DPY30: variants seen among roughly 807,000 people sequenced by gnomAD.
The protein encoded by DPY30 is dpy-30 histone methyltransferase complex regulatory subunit.
Under a neutral mutation model 16.2 loss-of-function variants are expected in DPY30, and 6 were observed. The ratio of observed to expected loss-of-function variants is 0.37; its 90% CI spans 0.20 to 0.73. The LOEUF is 0.73. DPY30 is among the 30% of genes least tolerant of loss of function. The pLI is 0.51. For synonymous variants in DPY30, 39 were observed against 38.8 expected (o/e 1.00, Z -0.02); for missense variants, 73 against 113.1 (o/e 0.65, Z 1.61).
chr2:32,017,350 C>T (rs1327849734), intron 5 of DPY30, among the ~76,000 whole-genome samples: 1 of 151,968 alleles, frequency 6.6e-6, no homozygotes, highest in Non-Finnish European at 1.5e-5. Context: ...GGGGTGGTGG[C>T]TTATGCCTAT....
At chr2:32,026,598 C>CTAAT (rs1388016816) in intron 4 of DPY30, among the ~76,000 whole-genome samples, 2 of 152,098 alleles carry the variant, frequency 1.3e-5, no homozygotes, top group Non-Finnish European at 2.9e-5. Context: ...CCAGACCAGC[C>CTAAT]TAATCAACAT....
rs553721869 is a variant in DPY30 at position 32,015,239 on chromosome 2, A to T, written n.378-3187T>A. Among the ~76,000 whole-genome samples the T allele has an allele frequency of 4.9e-4, 75 of 152,210 alleles. 1 individual carries two copies. Among genetic ancestry groups the T allele is most frequent in the Non-Finnish European group, 9.7e-4 (66 of 68,040 alleles). On this transcript the variant is annotated intron_variant and non_coding_transcript_variant, in intron 5 of 5. Transcript: ENST00000414013. ...CCTATAGATCAGAAAAATATTTTACAATAGTAACACAGCATTTTGAACAAA... is the reference window on the plus strand; with the variant it reads ...CCTATAGATCAGAAAAATATTTTACTATAGTAACACAGCATTTTGAACAAA...
At chr2:32,030,999 A>C (rs1675518339) in intron 3 of DPY30, among the ~76,000 whole-genome samples, 1 of 152,228 alleles carries the variant, frequency 6.6e-6, no homozygotes, top group Admixed American at 6.5e-5. Context: ...AGTTTAAAAA[A>C]TAACAAGTTA....
intron 3 of DPY30, among the ~76,000 whole-genome samples, chr2:32,038,311 A>G (rs143535787): frequency 4.0e-4 from 59 of 147,540 alleles, no homozygotes; most frequent in African/African-American, 1.4e-3. Context: ...CATGTTGGCC[A>G]GGCTGGTCTG....
chr2:32,022,161 G>A (rs1218839402), downstream of DPY30, among the ~76,000 whole-genome samples: 1 of 148,036 alleles, frequency 6.8e-6, no homozygotes, highest in Non-Finnish European at 1.5e-5. Context: ...AGTGAGCCAA[G>A]ATCACGCCAT....
intron 4 of DPY30, among the ~76,000 whole-genome samples, chr2:32,024,525 G>A (rs188227180): frequency 4.6e-5 from 7 of 152,338 alleles, no homozygotes; most frequent in African/African-American, 1.7e-4. Flanking sequence ...ACAATGGGAT[G>A]ATCATTACCC....
At chr2:32,014,956 G>A (rs921567124) in intron 5 of DPY30, among the ~76,000 whole-genome samples, 4 of 152,006 alleles carry the variant, frequency 2.6e-5, no homozygotes, top group Non-Finnish European at 4.4e-5. Flanking sequence ...AATACTTCTA[G>A]AAGGTAATCA....
chr2:32,020,473 T>C (rs879767100), downstream of DPY30, among the ~76,000 whole-genome samples: 3 of 152,042 alleles, frequency 2.0e-5, no homozygotes, highest in African/African-American at 4.8e-5. Context: ...GACCATGCCA[T>C]TGCACTCCAA....
chr2:32,038,956 CTTAATT>C (rs773373639), intron 3 of DPY30, among the ~76,000 whole-genome samples: 1 of 152,132 alleles, frequency 6.6e-6, no homozygotes, highest in African/African-American at 2.4e-5. Flanking sequence ...CGAAGGGTTT[CTTAATT>C]TTAATATGCG....
intron 4 of DPY30, among the ~76,000 whole-genome samples, chr2:32,028,627 C>G (rs1675421098): frequency 2.0e-5 from 3 of 152,008 alleles, no homozygotes; most frequent in Non-Finnish European, 4.4e-5. Flanking sequence ...ATGGTGAAAC[C>G]CCATCACTAC....
At chr2:32,027,682 G>A (rs1459598777) in intron 4 of DPY30, among the ~76,000 whole-genome samples, 2 of 138,524 alleles carry the variant, frequency 1.4e-5, no homozygotes, top group Non-Finnish European at 3.0e-5. Context: ...AGGCTGGAGT[G>A]CAGTGGCGCA....
intron 4 of DPY30, among the ~76,000 whole-genome samples, chr2:32,027,897 G>A (rs1272283150): frequency 6.6e-6 from 1 of 151,766 alleles, no homozygotes; most frequent in Non-Finnish European, 1.5e-5. Context: ...CAAAGTGTTG[G>A]GATTACAGGC....
At chr2:32,019,953 AACATAT>A (rs1457706470), downstream of DPY30, among the ~76,000 whole-genome samples, 3 of 149,274 alleles carry the variant, frequency 2.0e-5, no homozygotes, top group Non-Finnish European at 4.4e-5. Context: ...TATATGTAAA[AACATAT>A]ACATATATAT....
chr2:32,014,506 C>T (rs1447535344), intron 5 of DPY30, among the ~76,000 whole-genome samples: 1 of 146,300 alleles, frequency 6.8e-6, no homozygotes, highest in African/African-American at 2.5e-5. Flanking sequence ...TTTTTTGAGA[C>T]GGAGTCTCGC....
downstream of DPY30, chr2:32,023,673 T>C (rs1383333119): frequency 8.2e-7 from 1 of 1,220,100 alleles, no homozygotes; most frequent in African/African-American, 1.6e-5. Context: ...TACATTAGAA[T>C]CACCTGTGAT....
At chr2:32,021,526 A>C (rs1675179980), downstream of DPY30, among the ~76,000 whole-genome samples, 2 of 151,726 alleles carry the variant, frequency 1.3e-5, no homozygotes, top group South Asian at 4.2e-4. Flanking sequence ...AAAACTACAA[A>C]AATTAGCCAG....
chr2:32,030,299 C>A (rs1258224824), intron 3 of DPY30, among the ~76,000 whole-genome samples: 1 of 152,070 alleles, frequency 6.6e-6, no homozygotes, highest in Non-Finnish European at 1.5e-5. Flanking sequence ...AGAAATATAT[C>A]CAGCCTGGAC....
intron 3 of DPY30, among the ~76,000 whole-genome samples, chr2:32,033,769 TA>T (rs969159053): frequency 2.6e-5 from 4 of 152,268 alleles, no homozygotes; most frequent in Non-Finnish European, 5.9e-5. Flanking sequence ...TGTGAACATT[TA>T]TGAATTATCT....
At chr2:32,033,903 C>G (rs923012422) in intron 3 of DPY30, among the ~76,000 whole-genome samples, 8 of 152,056 alleles carry the variant, frequency 5.3e-5, no homozygotes, top group African/African-American at 1.7e-4. Context: ...ACAGTGATCA[C>G]AAAAAGGGGA....
Sources: gnomAD v4.1 joint callset for allele counts (sites outside exome capture counted in the v4.1 genomes callset) on GRCh38, gnomAD v4.1.1 for gene constraint, MANE v1.5 for transcripts, NCBI Gene and HGNC (gene_info 2026-07-23, HGNC 2026-07-21) for gene names.